Variants in TAOK1 observed in about 807,000 individuals in gnomAD.
TAOK1 encodes the protein serine/threonine-protein kinase TAO1.
A neutral mutation model predicts 138.3 loss-of-function variants in TAOK1; 21 were observed. The ratio of observed to expected loss-of-function variants is 0.15; its 90% confidence interval spans 0.11 to 0.22. The LOEUF is 0.22. Among genes scored for constraint, TAOK1 ranks in the 10% least tolerant of loss-of-function variants. The pLI is 1.00. For synonymous variants in TAOK1, 361 were observed against 398.4 expected (o/e 0.91, Z 1.12); for missense variants, 651 against 1,227.7 (o/e 0.53, Z 7.02).
Position 29,489,727 on chromosome 17 carries a change from A to G in TAOK1, c.719A>G (p.Asn240Ser). Residue 240 changes from asparagine to serine, a missense_variant, in exon 9 of 20, where the codon AAT becomes AGT. By Grantham distance (46) the Asn-to-Ser change is conservative. Around this residue, in one of 8 missense-constraint regions of TAOK1, gnomAD observed 20 missense variants for 88.6 expected, o/e 0.23. Transcript: ENST00000261716. Reference sequence around the variant, plus strand: ...AGTGCCTTATATCACATAGCCCAAAATGAATCCCCTACACTACAGTCTAAT... The same window carrying G: ...AGTGCCTTATATCACATAGCCCAAAGTGAATCCCCTACACTACAGTCTAAT... Reference protein sequence around the residue: ...AMSALYHIAQNESPTLQSNEW... With the variant: ...AMSALYHIAQSESPTLQSNEW... 6.2e-7 allele frequency: 1 copy of G among 1,610,866 alleles called. No individual in the cohort carries two copies.
intron 1 of TAOK1, among the ~76,000 whole-genome samples, chr17:29,440,015 T>C (rs2029892967): frequency 1.3e-5 from 2 of 152,132 alleles, no homozygotes; most frequent in Admixed American, 1.3e-4. Flanking sequence ...TTCCAGTGTA[T>C]GCGTGGAATT....
chr17:29,532,570 G>T (rs2032138382), intron 18 of TAOK1, among the ~76,000 whole-genome samples: 1 of 152,064 alleles, frequency 6.6e-6, no homozygotes, highest in Non-Finnish European at 1.5e-5. Flanking sequence ...CTGCCTTCAA[G>T]CATCTGTTTA....
intron 3 of TAOK1, among the ~76,000 whole-genome samples, chr17:29,473,888 C>T (rs1218449549): frequency 3.3e-5 from 5 of 152,002 alleles, no homozygotes; most frequent in African/African-American, 7.2e-5. Context: ...CGCATCACCA[C>T]ACCTGGCTAA....
At chr17:29,432,708 C>T (rs1176095128) in intron 1 of TAOK1, among the ~76,000 whole-genome samples, 1 of 151,996 alleles carries the variant, frequency 6.6e-6, no homozygotes, top group Non-Finnish European at 1.5e-5. Flanking sequence ...CTCCTAACCT[C>T]AGGTGATCCA....
rs750253169 is a variant in TAOK1 at position 29,530,637 on chromosome 17, G to A, written c.2361+18G>A. The A allele has an allele frequency of 1.7e-5, 28 of 1,608,698 alleles. No homozygotes were observed. Among genetic ancestry groups the A allele is most frequent in the Non-Finnish European group, 2.4e-5 (28 of 1,175,502 alleles). On this transcript the variant is annotated intron_variant, in intron 18 of 19. Transcript: ENST00000261716. ...CACAAGCCGTGAGTTTGCTTTTTTT[G>A]GGGCAAAACAAATTTAGTGCCCCTT... is the stretch of plus-strand genomic sequence containing the variant.
At chr17:29,500,894 A>G (rs144892586) in intron 12 of TAOK1, among the ~76,000 whole-genome samples, 461 of 152,322 alleles carry the variant, frequency 3.0e-3, no homozygotes, top group Non-Finnish European at 4.1e-3. Flanking sequence ...TTGTATAATT[A>G]AACTTCTATA....
chr17:29,433,018 C>G (rs977011075), intron 1 of TAOK1, among the ~76,000 whole-genome samples: 2 of 152,124 alleles, frequency 1.3e-5, no homozygotes, highest in Non-Finnish European at 2.9e-5. Flanking sequence ...CCTCGGCCTT[C>G]GTAAGTGTTG....
intron 11 of TAOK1, among the ~76,000 whole-genome samples, 167 bp downstream of exon 11, chr17:29,495,894 TC>T (rs1260051272): frequency 6.6e-6 from 1 of 152,146 alleles, no homozygotes; most frequent in East Asian, 1.9e-4. Flanking sequence ...GGTCCTTTTT[TC>T]TTGGAGAAAT....
intron 13 of TAOK1, among the ~76,000 whole-genome samples, chr17:29,506,305 T>G (rs889224285): frequency 2.6e-5 from 4 of 152,162 alleles, no homozygotes; most frequent in Non-Finnish European, 5.9e-5. Flanking sequence ...AATCCTGTCA[T>G]TTGCAAGAAC....
chr17:29,533,509 T>C (rs1040620796), intron 18 of TAOK1, among the ~76,000 whole-genome samples: 1 of 151,984 alleles, frequency 6.6e-6, no homozygotes, highest in Non-Finnish European at 1.5e-5. Context: ...GTGGAGGTTG[T>C]AGCGAGCCGA....
intron 1 of TAOK1, among the ~76,000 whole-genome samples, chr17:29,444,046 CAG>C (rs763122776): frequency 3.3e-5 from 5 of 151,246 alleles, no homozygotes; most frequent in Non-Finnish European, 5.9e-5. Flanking sequence ...GCTCGGGAGA[CAG>C]AGGTTGCAAT....
chr17:29,464,147 G>C (rs1404206034), intron 2 of TAOK1, among the ~76,000 whole-genome samples: 2 of 151,830 alleles, frequency 1.3e-5, no homozygotes, highest in Non-Finnish European at 2.9e-5. Context: ...TAGCTAAAGA[G>C]TTTATGGGCC....
rs759714241 is a variant in TAOK1, at chr17:29,522,306, G to A, written c.1935G>A (p.Lys645=). 8.7e-6 allele frequency: 14 copies of A among 1,614,146 alleles called. No homozygotes were observed. The highest frequency in any genetic ancestry group is 1.2e-5 in the Non-Finnish European group (14 of 1,180,034). ...AGTTAAACAAAAGACAGACTCAGAA[G>A]GACTTAGAGCATGCCATGCTACTCC... is the stretch of plus-strand genomic sequence containing the variant. ...REELNKRQTQ[K]DLEHAMLLRQ... The change falls in exon 17 of 20, where the codon AAG becomes AAA. Residue 645 remains lysine (K), a synonymous_variant. Transcript: ENST00000261716.
chr17:29,434,615 A>G (rs1185862236), intron 1 of TAOK1, among the ~76,000 whole-genome samples: 3 of 152,038 alleles, frequency 2.0e-5, no homozygotes, highest in Admixed American at 2.0e-4. Context: ...AATAGGAATT[A>G]TTTGTCTCAC....
chr17:29,486,807 A>G (rs539038309), intron 8 of TAOK1, among the ~76,000 whole-genome samples: 2 of 152,314 alleles, frequency 1.3e-5, no homozygotes, highest in Non-Finnish European at 2.9e-5. Flanking sequence ...TATTGACGGT[A>G]TACCATTTAA....
intron 2 of TAOK1, among the ~76,000 whole-genome samples, chr17:29,458,630 G>A (rs1171752565): frequency 1.3e-5 from 2 of 152,004 alleles, no homozygotes; most frequent in African/African-American, 4.8e-5. Context: ...CCCAGTAGCT[G>A]GAATTACAGA....
At chr17:29,524,924 A>G (rs1207777407) in intron 17 of TAOK1, among the ~76,000 whole-genome samples, 2 of 152,226 alleles carry the variant, frequency 1.3e-5, no homozygotes, top group African/African-American at 4.8e-5. Context: ...ATGAGTAGAA[A>G]TAAATGTAAC....
At chr17:29,444,932 T>G (rs2030039906) in intron 1 of TAOK1, among the ~76,000 whole-genome samples, 1 of 152,238 alleles carries the variant, frequency 6.6e-6, no homozygotes. Context: ...ATTGCTATTT[T>G]GTACATTTTT....
chr17:29,412,296 GC>G (rs1168926877), intron 1 of TAOK1, among the ~76,000 whole-genome samples: 1 of 152,156 alleles, frequency 6.6e-6, no homozygotes, highest in African/African-American at 2.4e-5. Flanking sequence ...GCCTGCCTTG[GC>G]CTGCCAAAGT....
Sources: allele counts gnomAD v4.1 joint callset (sites outside exome capture counted in the v4.1 genomes callset), GRCh38; gene constraint gnomAD v4.1.1; regional missense constraint gnomAD v4.1.1; transcripts MANE v1.5; gene names NCBI Gene and HGNC (gene_info 2026-07-23, HGNC 2026-07-21).